DLG2: variants seen among roughly 807,000 people sequenced by gnomAD.
The protein encoded by DLG2 is discs large MAGUK scaffold protein 2, also known as disks large homolog 2.
A neutral mutation model predicts 132.5 loss-of-function variants in DLG2; 45 were observed. That is an observed-to-expected ratio of 0.34 (90% CI 0.27 to 0.44). DLG2 has a LOEUF of 0.44. Among genes scored for constraint, DLG2 ranks in the 20% least tolerant of loss-of-function variants. The probability of loss-of-function intolerance (pLI) is 1.00; values close to 1 mark genes in which losing one functional copy is unlikely to be tolerated. For synonymous variants in DLG2, 424 were observed against 419.6 expected, an observed-to-expected ratio of 1.01 and a Z score of -0.13; for missense variants, 1,045 against 1,196.9, an observed-to-expected ratio of 0.87 and a Z score of 1.87.
At chr11:83,831,289 G>A (rs1381728311) in intron 17 of DLG2, among the ~76,000 whole-genome samples, 1 of 152,220 alleles carries the variant, frequency 6.6e-6, no homozygotes, top group Non-Finnish European at 1.5e-5. Flanking sequence ...AGTAGTTTAA[G>A]GAATGATGCT....
chr11:84,470,847 C>A (rs1235578734), intron 7 of DLG2, among the ~76,000 whole-genome samples: 42 of 151,754 alleles, frequency 2.8e-4, no homozygotes, highest in Admixed American at 2.4e-3. Flanking sequence ...TCTGTAAGTA[C>A]TGGGCAAAGT....
chr11:84,301,780 G>A (rs985705812), intron 7 of DLG2, among the ~76,000 whole-genome samples: 4 of 151,536 alleles, frequency 2.6e-5, no homozygotes, highest in Admixed American at 6.6e-5. Flanking sequence ...CATTTTGGAA[G>A]ACAGCATGGC....
At chr11:84,835,764 T>C (rs937667322) in intron 6 of DLG2, among the ~76,000 whole-genome samples, 11 of 151,774 alleles carry the variant, frequency 7.2e-5, no homozygotes, top group African/African-American at 2.7e-4. Flanking sequence ...TCAAAGGCTA[T>C]TATATTAAAT....
intron 4 of DLG2, among the ~76,000 whole-genome samples, chr11:85,276,336 T>A (rs2077890547): frequency 6.6e-6 from 1 of 152,132 alleles, no homozygotes. Context: ...ATTACAAGAA[T>A]GAATGTTTAA....
chr11:84,117,100 T>C (rs891963235), intron 9 of DLG2, among the ~76,000 whole-genome samples: 6 of 152,200 alleles, frequency 3.9e-5, no homozygotes, highest in African/African-American at 1.4e-4. Flanking sequence ...TTAATTGTCA[T>C]TTGCTCCAAG....
intron 3 of DLG2, among the ~76,000 whole-genome samples, chr11:85,532,457 T>A (rs903885616): frequency 6.6e-6 from 1 of 152,230 alleles, no homozygotes; most frequent in Non-Finnish European, 1.5e-5. Flanking sequence ...CTTGTAGAAA[T>A]ACTGATTCAG....
intron 7 of DLG2, among the ~76,000 whole-genome samples, chr11:84,365,159 G>T (rs1235033993): frequency 7.2e-5 from 11 of 152,060 alleles, no homozygotes; most frequent in Non-Finnish European, 1.5e-5. Context: ...TTTTTGGTTG[G>T]TAAGCTATTG....
chr11:85,455,237 A>G (rs1479067574), intron 3 of DLG2, among the ~76,000 whole-genome samples: 1 of 151,948 alleles, frequency 6.6e-6, no homozygotes, highest in Non-Finnish European at 1.5e-5. Context: ...GAGATTTTAC[A>G]CCTCCCTAGT....
chr11:84,599,427 A>G (rs1039335070), intron 6 of DLG2, among the ~76,000 whole-genome samples: 1 of 152,194 alleles, frequency 6.6e-6, no homozygotes, highest in African/African-American at 2.4e-5. Flanking sequence ...ATGTTGGGTC[A>G]TTCTCTTCTT....
chr11:84,964,255 A>T (rs1174219239), intron 6 of DLG2, among the ~76,000 whole-genome samples: 3 of 152,126 alleles, frequency 2.0e-5, no homozygotes, highest in African/African-American at 7.2e-5. Flanking sequence ...GCCCATTAAA[A>T]TGAAATTCAT....
intron 7 of DLG2, among the ~76,000 whole-genome samples, chr11:84,329,590 T>C (rs552483925): frequency 1.4e-3 from 214 of 152,310 alleles, no homozygotes; most frequent in African/African-American, 5.0e-3. Context: ...GAACTGTGAG[T>C]CAATTAAGCT....
chr11:85,590,777 T>C (rs1302657845), intron 3 of DLG2, among the ~76,000 whole-genome samples: 3 of 152,124 alleles, frequency 2.0e-5, no homozygotes, highest in Non-Finnish European at 2.9e-5. Context: ...TATTGCTTTT[T>C]TGCCAGCTAC....
intron 7 of DLG2, among the ~76,000 whole-genome samples, chr11:84,474,374 CT>C (rs2099116251): frequency 6.6e-6 from 1 of 152,060 alleles, no homozygotes; most frequent in South Asian, 2.1e-4. Flanking sequence ...TTATTAAAAA[CT>C]GTACATACTA....
intron 15 of DLG2, among the ~76,000 whole-genome samples, chr11:83,909,037 T>C (rs1284573064): frequency 6.6e-6 from 1 of 152,214 alleles, no homozygotes; most frequent in East Asian, 1.9e-4. Context: ...CACCCTCATA[T>C]GCAGCTTTTT....
intron 3 of DLG2, among the ~76,000 whole-genome samples, chr11:85,556,074 G>A (rs1291589182): frequency 3.3e-5 from 5 of 151,236 alleles, no homozygotes; most frequent in East Asian, 2.0e-4. Flanking sequence ...AGCATGGAAG[G>A]GAAGCTTTCC....
At chr11:85,162,584 CATTTT>C (rs2078115768) in intron 4 of DLG2, among the ~76,000 whole-genome samples, 1 of 152,130 alleles carries the variant, frequency 6.6e-6, no homozygotes. Flanking sequence ...AAAATATCTT[CATTTT>C]ATTTCCTTTT....
chr11:85,274,475 C>G (rs958282663), intron 4 of DLG2, among the ~76,000 whole-genome samples: 12 of 152,118 alleles, frequency 7.9e-5, no homozygotes, highest in African/African-American at 2.9e-4. Context: ...GAATAAATAA[C>G]TAGGTACTAT....
intron 6 of DLG2, among the ~76,000 whole-genome samples, chr11:84,999,411 T>C (rs570237527): frequency 6.2e-4 from 94 of 152,274 alleles, no homozygotes; most frequent in African/African-American, 2.2e-3. Flanking sequence ...AAGAGAGATA[T>C]ATCTGGCCTT....
intron 6 of DLG2, among the ~76,000 whole-genome samples, chr11:84,688,917 T>C (rs2057685706): frequency 6.6e-6 from 1 of 152,184 alleles, no homozygotes; most frequent in African/African-American, 2.4e-5. Flanking sequence ...AACTTCTGCA[T>C]ATACTTAGTT....
Sources: allele counts gnomAD v4.1 joint callset (sites outside exome capture counted in the v4.1 genomes callset), GRCh38; gene constraint gnomAD v4.1.1; transcripts MANE v1.5; gene names NCBI Gene and HGNC (gene_info 2026-07-23, HGNC 2026-07-21).